CD163: variants seen among roughly 807,000 people sequenced by gnomAD.
CD163 encodes the protein scavenger receptor cysteine-rich type 1 protein M130.
CD163 carries 64 observed loss-of-function variants against 129.2 expected under a neutral mutation model. The ratio of observed to expected loss-of-function variants is 0.50; its 90% confidence interval spans 0.41 to 0.61. The LOEUF is 0.61. Among genes scored for constraint, CD163 ranks in the 20% least tolerant of loss-of-function variants. The pLI, the probability that CD163 is intolerant of heterozygous loss-of-function variation, is 0.00. For missense variants in CD163, 1,061 were observed against 1,377.9 expected (o/e 0.77, Z 3.64); for synonymous variants, 446 against 478.5 (o/e 0.93, Z 0.89).
rs747400028 is a variant in CD163, at chr12:7,486,778, G to A, written c.2179C>T (p.Arg727Cys). 49 of 1,611,814 alleles carry A rather than the reference G, an allele frequency of 3.0e-5. No individual in the cohort carries two copies. Among genetic ancestry groups the A allele is most frequent in the East Asian group, 4.5e-5 (2 of 44,832 alleles). The change falls in exon 10 of 17, where the codon CGC becomes TGC. Residue 727 changes from arginine to cysteine, a missense_variant. Transcript: ENST00000432237. The part of the protein sequence containing the change: ...GQLRLVNGGG[R>C]CAGRVEIYHE... ...TAGATCTCTACTCTCCCAGCACAGC[G>A]ACCTCCTCCATTTACCAGGCGAAGT... is the stretch of plus-strand genomic sequence containing the variant.
At position 7,487,319 on chromosome 12, in the gene CD163, TC is replaced by T. The variant is rs1231872905; in HGVS notation, c.2050+39del. ...TTGTTCTTCATCCCTATGTACACCT[TC>T]TCTTAAGACCCATCACTGGCTGCCC... On this transcript the variant is annotated intron_variant, in intron 8 of 16. Coordinates refer to ENST00000432237, the MANE Select transcript of CD163 (RefSeq NM_203416.4). This position sits in a 1 kb window ranked among gnomAD's most constrained non-coding sequence, Gnocchi z 5.1. 8 of 1,525,108 alleles carry T rather than the reference TC, an allele frequency of 5.2e-6. No individual in the cohort carries two copies. The highest frequency in any genetic ancestry group is 2.6e-6 in the Non-Finnish European group (3 of 1,139,516). 94.5% of individuals were successfully genotyped at this position (1,525,108 alleles called of 1,614,324 possible).
At position 7,495,227 on chromosome 12, in the gene CD163, T is replaced by C. The variant is rs1192770224; in HGVS notation, c.1274A>G (p.Gln425Arg). 7.4e-6 allele frequency: 12 copies of C among 1,614,016 alleles called. No individual in the cohort carries two copies. The highest frequency in any genetic ancestry group is 1.3e-5 in the African/African-American group (1 of 74,908). ...GCGSALKTSY[Q>R]VYSKIQATNT... ...TGTTGCCTGGATTTTGGAGTACACT[T>C]GATAAGATGTTTTGAGTGCAGATCC... Residue 425 changes from glutamine (Q) to arginine (R), a missense_variant, in exon 6 of 17, where the codon CAA becomes CGA. Coordinates refer to ENST00000432237, the MANE Select transcript of CD163 (RefSeq NM_203416.4).
At chr12:7,503,601 T>C (rs1949522685) in intron 1 of CD163, 44 bp downstream of exon 1, 1 of 1,265,934 alleles carries the variant, frequency 7.9e-7, no homozygotes, top group Non-Finnish European at 1.1e-6. Context: ...AATAATTACA[T>C]ACCCCATTAA....
chr12:7,501,537 T>A, intron 2 of CD163, 75 bp from the exon 3 acceptor site: 2 of 1,100,060 alleles, frequency 1.8e-6, no homozygotes, highest in Non-Finnish European at 2.7e-6. Context: ...TTACATTACT[T>A]ATTTATCCTT....
Position 7,497,132 on chromosome 12 carries a change from C to T in CD163, c.780G>A (p.Lys260=), listed in dbSNP as rs1467209203. The change falls in exon 5 of 17, where the codon AAG becomes AAA. Residue 260 remains lysine (K), a splice_region_variant and synonymous_variant. Coordinates refer to ENST00000432237, the MANE Select transcript of CD163 (RefSeq NM_203416.4). The part of the protein sequence containing the change: ...HAEDAGVICS[K]GADLSLRLVD... ...CCAGTCTCAGGCTCAGATCTGCTCC[C>T]TCTGTAACAGAGACACACAACAGGT... The T allele has an allele frequency of 6.2e-7, 1 of 1,612,302 alleles. No homozygotes were observed. Among genetic ancestry groups the T allele is most frequent in the South Asian group, 1.1e-5 (1 of 90,908 alleles).
chr12:7,483,327 G>T, intron 12 of CD163, 40 bp downstream of exon 12: 3 of 1,574,940 alleles, frequency 1.9e-6, no homozygotes, highest in Non-Finnish European at 2.6e-6. Flanking sequence ...CCTCTTTGCT[G>T]CCAGAGATTC....
intron 5 of CD163, among the ~76,000 whole-genome samples, chr12:7,495,606 A>T (rs967888154): frequency 6.6e-6 from 1 of 152,220 alleles, no homozygotes; most frequent in African/African-American, 2.4e-5. Context: ...AAAATTGTCA[A>T]TGGCAGAAAG....
chr12:7,503,661 T>C lies in CD163; in HGVS notation c.30A>G (p.Glu10=). The stretch of plus-strand genomic sequence containing the variant: ...AGCTTTTACCAGCAGATCCAGAGTC[T>C]TCAAGTAGCACCATTCTGAGTTTGC... MSKLRMVLL[E]DSGSADFRRH... The change falls in exon 1 of 17, where the codon GAA becomes GAG. Residue 10 remains glutamate, a synonymous_variant. Transcript: ENST00000432237. 1 of 1,604,096 alleles carries C rather than the reference T, an allele frequency of 6.2e-7. No homozygotes were observed.
At position 7,503,662 on chromosome 12, in the gene CD163, T is replaced by C; in HGVS notation, c.29A>G (p.Glu10Gly). ...GCTTTTACCAGCAGATCCAGAGTCT[T>C]CAAGTAGCACCATTCTGAGTTTGCT... MSKLRMVLL[E>G]DSGSADFRRH... Residue 10 changes from glutamate to glycine, a missense_variant, in exon 1 of 17, where the codon GAA becomes GGA. Coordinates refer to ENST00000432237, the MANE Select transcript of CD163 (RefSeq NM_203416.4). 4 of 1,603,922 alleles carry C rather than the reference T, an allele frequency of 2.5e-6. No homozygotes were observed. Among genetic ancestry groups the C allele is most frequent in the Non-Finnish European group, 3.4e-6 (4 of 1,173,014 alleles).
intron 12 of CD163, 21 bp downstream of exon 12, chr12:7,483,346 A>G (rs1949190014): frequency 6.3e-7 from 1 of 1,597,246 alleles, no homozygotes; most frequent in African/African-American, 1.3e-5. Context: ...TCCAAGCTCA[A>G]TCCAGGCTTC....
At position 7,487,243 on chromosome 12, in the gene CD163, T is replaced by C; in HGVS notation, c.2050+116A>G. ...GAGGTTAATATTCTGAAGCATGAAT[T>C]AGTATTCATTCTTCTCATGACCCTT... On this transcript the variant is annotated intron_variant, in intron 8 of 16. Coordinates refer to ENST00000432237, the MANE Select transcript of CD163 (RefSeq NM_203416.4). The surrounding 1 kb of genome is among the most constrained non-coding windows in gnomAD (Gnocchi z 5.1). 8.8e-7 allele frequency: 1 copy of C among 1,140,032 alleles called. No individual in the cohort carries two copies. Among genetic ancestry groups the C allele is most frequent in the South Asian group, 1.7e-5 (1 of 59,358 alleles). The allele number at this position is 1,140,032 out of a possible 1,614,324, so 70.6% of individuals were successfully genotyped here.
chr12:7,484,773 C>T (rs1197694899), intron 11 of CD163, among the ~76,000 whole-genome samples: 1 of 151,858 alleles, frequency 6.6e-6, no homozygotes, highest in African/African-American at 2.4e-5. Flanking sequence ...GTAAGGTAGA[C>T]CATTCAACAG....
At chr12:7,492,450 G>A (rs1479725224) in intron 6 of CD163, among the ~76,000 whole-genome samples, 4 of 152,074 alleles carry the variant, frequency 2.6e-5, no homozygotes, top group Non-Finnish European at 4.4e-5. Context: ...AATGACTCAG[G>A]TGTGAGAGGC....
intron 16 of CD163, chr12:7,473,222 G>A (rs1293781358): frequency 1.3e-5 from 2 of 152,092 alleles, no homozygotes; most frequent in Non-Finnish European, 2.9e-5. Context: ...GAAATACAGG[G>A]AACACCACTA....
intron 16 of CD163, among the ~76,000 whole-genome samples, chr12:7,479,648 T>C (rs1377704524): frequency 2.6e-5 from 4 of 152,210 alleles, no homozygotes; most frequent in African/African-American, 9.6e-5. Flanking sequence ...GGATGTGTTA[T>C]TACTATTTGT....
Position 7,485,422 on chromosome 12 carries a change from G to A in CD163, c.2459-6C>T. 6.2e-7 allele frequency: 1 copy of A among 1,607,320 alleles called. No homozygotes were observed. Among genetic ancestry groups the A allele is most frequent in the East Asian group, 2.2e-5 (1 of 44,744 alleles). Reference sequence around the variant, plus strand: ...CAGTCTCAGAGACATGAATTCTGCAGCGAAACATAGAATTAGTAGTTTTGC... The same window carrying A: ...CAGTCTCAGAGACATGAATTCTGCAACGAAACATAGAATTAGTAGTTTTGC... On this transcript the variant is annotated splice_polypyrimidine_tract_variant and splice_region_variant and intron_variant, in intron 10 of 16. Coordinates refer to ENST00000432237, the MANE Select transcript of CD163 (RefSeq NM_203416.4). The surrounding 1 kb of genome is among the most constrained non-coding windows in gnomAD (Gnocchi z 4.5).
rs994994889 is a variant in CD163 at position 7,471,008 on chromosome 12, A to G, written c.*421T>C. 8 of 152,152 alleles carry G rather than the reference A, an allele frequency of 5.3e-5. No homozygotes were observed. Among genetic ancestry groups the G allele is most frequent in the African/African-American group, 1.4e-4 (6 of 41,446 alleles). 9.4% of individuals were successfully genotyped at this position (152,152 alleles called of 1,614,324 possible). A position where few individuals can be genotyped will look rare whatever the true frequency, so the allele number is the denominator to read the frequency against. ...AATAAATTTATTTTTATTTGGTAAT[A>G]GGAAAATTATTCAAACCAAATAAGA... On this transcript the variant is annotated 3_prime_UTR_variant, in exon 17 of 17. Transcript: ENST00000432237.
At chr12:7,483,030 G>A (rs758650000) in intron 12 of CD163, 26 bp from the exon 13 acceptor site, 2 of 1,609,492 alleles carry the variant, frequency 1.2e-6, no homozygotes, top group Admixed American at 3.3e-5. Context: ...AAGAGAGAGG[G>A]TTAATTCTTT....
chr12:7,480,049 A>C, intron 15 of CD163, 136 bp from the exon 16 acceptor site: 2 of 1,545,582 alleles, frequency 1.3e-6, no homozygotes. Context: ...TTCTCACGTA[A>C]CTGTGAGGCT....
Sources: gnomAD v4.1 joint callset for allele counts (sites outside exome capture counted in the v4.1 genomes callset) on GRCh38, gnomAD v4.1.1 for gene constraint, Gnocchi (gnomAD v3.1) non-coding constraint, MANE v1.5 for transcripts, NCBI Gene and HGNC (gene_info 2026-07-23, HGNC 2026-07-21) for gene names.